The following LTBP3 variants were observed in gnomAD, a reference collection of about 807,000 sequenced individuals.
The protein encoded by LTBP3 is latent transforming growth factor beta binding protein 3.
Under a neutral mutation model 159.7 loss-of-function variants are expected in LTBP3, and 97 were observed. That is an observed-to-expected ratio of 0.61 (90% CI 0.52 to 0.72). The LOEUF (loss-of-function observed/expected upper bound fraction) is 0.72, where lower values mean the gene tolerates loss of function less well. LTBP3 is among the 30% of genes least tolerant of loss of function. The pLI, the probability that LTBP3 is intolerant of heterozygous loss-of-function variation, is 0.00. For synonymous variants in LTBP3, 824 were observed against 777.1 expected (o/e 1.06, Z -1.00); for missense variants, 1,584 against 1,864.3 (o/e 0.85, Z 2.77).
At chr11:65,540,223 C>A in intron 23 of LTBP3, 22 bp downstream of exon 23, 1 of 1,548,110 alleles carries the variant, frequency 6.5e-7, no homozygotes. Flanking sequence ...CCGCGTACCC[C>A]ACTCCCCGGC....
chr11:65,539,336 CG>C lies in LTBP3; in HGVS notation c.3751del (p.Arg1251AlafsTer11). Reference protein sequence around the residue: ...GGFQLDASRARCVDIDECREL... With the variant: ...GGFQLDASRAXCVDIDECREL... ...CCCGAAGCCCGGCTCACCCACGCAG[CG>C]GGCGCGGGAGGCGTCGAGCTGGAAG... On this transcript the variant is annotated frameshift_variant, in exon 27 of 28. Coordinates refer to ENST00000301873, the MANE Select transcript of LTBP3 (RefSeq NM_001130144.3). LOFTEE classifies it high-confidence loss of function. The C allele has an allele frequency of 6.6e-7, 1 of 1,517,798 alleles. No individual in the cohort carries two copies. Among genetic ancestry groups the C allele is most frequent in the Non-Finnish European group, 8.8e-7 (1 of 1,130,046 alleles). The allele number at this position is 1,517,798 out of a possible 1,614,324, so 94.0% of individuals were successfully genotyped here.
Position 65,546,281 on chromosome 11 carries a change from G to T in LTBP3, c.2353+161C>A. ...ACCCTTCCTACGTGGAAATTCTAGT[G>T]GTGCCTTCCTTGGCAAAGTTCGTTG... is the stretch of plus-strand genomic sequence containing the variant. On this transcript the variant is annotated intron_variant, in intron 16 of 27. Coordinates refer to ENST00000301873, the MANE Select transcript of LTBP3 (RefSeq NM_001130144.3). The surrounding 1 kb of genome is among the most constrained non-coding windows in gnomAD (Gnocchi z 4.0). 1 of 908,324 alleles carries T rather than the reference G, an allele frequency of 1.1e-6. No homozygotes were observed. The highest frequency in any genetic ancestry group is 1.6e-6 in the Non-Finnish European group (1 of 629,888). 56.3% of individuals were successfully genotyped at this position (908,324 alleles called of 1,614,324 possible).
At chr11:65,551,702 G>T in intron 8 of LTBP3, 138 bp from the exon 9 acceptor site, 1 of 1,151,228 alleles carries the variant, frequency 8.7e-7, no homozygotes, top group Non-Finnish European at 1.3e-6. Flanking sequence ...TCAGGGGTTA[G>T]ATTCTGGGGT....
Position 65,540,299 on chromosome 11 carries a change from G to A in LTBP3, c.3190C>T (p.Pro1064Ser). 6.4e-7 allele frequency: 1 copy of A among 1,563,456 alleles called. No homozygotes were observed. The highest frequency in any genetic ancestry group is 8.7e-7 in the Non-Finnish European group (1 of 1,154,068). Residue 1064 changes from proline (P) to serine (S), a missense_variant, in exon 23 of 28, where the codon CCC becomes TCC. Pro to Ser is a moderately conservative substitution (Grantham distance 74, BLOSUM62 -1). This residue lies in a region of LTBP3 where 514 missense variants were observed against 530.3 expected (regional missense o/e 0.97). Coordinates refer to ENST00000301873, the MANE Select transcript of LTBP3 (RefSeq NM_001130144.3). ...TRGGYRCACT[P>S]PAEYSPAQRQ... ...TGCGCGGGACTGTACTCGGCAGGGGGCGTGCAGGCACAGCGGTAGCCGCCG... is the reference window on the plus strand; with the variant it reads ...TGCGCGGGACTGTACTCGGCAGGGGACGTGCAGGCACAGCGGTAGCCGCCG...
At chr11:65,545,996 G>A (rs1856349735) in intron 16 of LTBP3, among the ~76,000 whole-genome samples, 1 of 152,062 alleles carries the variant, frequency 6.6e-6, no homozygotes, top group Non-Finnish European at 1.5e-5. Context: ...GATTCTTTAA[G>A]ATGACCCAGG....
In LTBP3 at chr11:65,546,176, T is replaced by G. The variant is rs1223093220; in HGVS notation, c.2353+266A>C. 22 of 519,756 alleles carry G rather than the reference T, an allele frequency of 4.2e-5. No homozygotes were observed. Among genetic ancestry groups the G allele is most frequent in the Non-Finnish European group, 7.5e-5 (22 of 293,236 alleles). 32.2% of individuals were successfully genotyped at this position (519,756 alleles called of 1,614,324 possible). A position where few individuals can be genotyped will look rare whatever the true frequency, so the allele number is the denominator to read the frequency against. On this transcript the variant is annotated intron_variant, in intron 16 of 27. Transcript: ENST00000301873. The surrounding 1 kb of genome is among the most constrained non-coding windows in gnomAD (Gnocchi z 4.0). ...GAGTGCAGGGGGGAGTACTATCGTC[T>G]GCCCTCATTCTTTGATATCTTTTTT...
Position 65,539,793 on chromosome 11 carries a change from G to A in LTBP3, c.3474C>T (p.Thr1158=). The A allele has an allele frequency of 1.3e-6, 2 of 1,544,078 alleles. No homozygotes were observed. The highest frequency in any genetic ancestry group is 2.4e-5 in the East Asian group (1 of 41,904). ...CCTGGCGGCAGCAGCAGTCGTCGAA[G>A]GTGAGGGCAGGCCCGGCCAGGGGGC... ...CAGPLAGPAL[T]FDDCCCRQGR... is the part of the protein sequence containing the mutation. The change falls in exon 25 of 28, where the codon ACC becomes ACT. Residue 1158 remains threonine (T), a synonymous_variant. Coordinates refer to ENST00000301873, the MANE Select transcript of LTBP3 (RefSeq NM_001130144.3).
chr11:65,552,465 GC>G lies in LTBP3; in HGVS notation c.1187-60del. On this transcript the variant is annotated intron_variant, in intron 6 of 27. Transcript: ENST00000301873. This position sits in a 1 kb window ranked among gnomAD's most constrained non-coding sequence, Gnocchi z 6.0. The stretch of plus-strand genomic sequence containing the variant: ...GCCTGCACATTGCCCACGTCCCTCT[GC>G]CCAGCTGCTGCAGACCTTGCCTCTC... 6.3e-7 allele frequency: 1 copy of G among 1,596,084 alleles called. No individual in the cohort carries two copies. Among genetic ancestry groups the G allele is most frequent in the Non-Finnish European group, 8.5e-7 (1 of 1,174,164 alleles).
Position 65,547,808 on chromosome 11 carries a change from G to A in LTBP3, c.1860C>T (p.Cys620=). The A allele has an allele frequency of 6.2e-7, 1 of 1,613,164 alleles. No individual in the cohort carries two copies. ...QHRYCVDVNE[C]EAEPCGPGRG... The stretch of plus-strand genomic sequence containing the variant: ...TCCCCGGGCCACAGGGCTCTGCCTC[G>A]CACTCGTTCACATCTGAGAAGAACG... The change falls in exon 13 of 28, where the codon TGC becomes TGT. Residue 620 remains cysteine, a synonymous_variant. Transcript: ENST00000301873. The surrounding 1 kb of genome is among the most constrained non-coding windows in gnomAD (Gnocchi z 4.6).
At chr11:65,555,415 C>A (rs983706864) in intron 1 of LTBP3, among the ~76,000 whole-genome samples, 2 of 146,592 alleles carry the variant, frequency 1.4e-5, no homozygotes, top group Admixed American at 6.7e-5. Context: ...GGCCCCAGGT[C>A]CCCCCCCTCT....
chr11:65,545,604 T>C, intron 16 of LTBP3: 1 of 229,412 alleles, frequency 4.4e-6, no homozygotes, highest in Non-Finnish European at 8.7e-6. Flanking sequence ...ATTTCTCCAA[T>C]ATCATCGTCT....
intron 11 of LTBP3, among the ~76,000 whole-genome samples, chr11:65,550,600 C>T (rs769140286): frequency 1.7e-4 from 26 of 151,340 alleles, no homozygotes; most frequent in Admixed American, 5.3e-4. Context: ...CCGACACGGG[C>T]GCATCACGAG....
At position 65,557,831 on chromosome 11, in the gene LTBP3, C is replaced by T. The variant is rs776558838; in HGVS notation, c.129G>A (p.Gly43=). The T allele has an allele frequency of 2.1e-6, 3 of 1,424,100 alleles. No homozygotes were observed. Among genetic ancestry groups the T allele is most frequent in the South Asian group, 1.4e-5 (1 of 69,228 alleles). The allele number at this position is 1,424,100 out of a possible 1,614,324, so 88.2% of individuals were successfully genotyped here. A position where few individuals can be genotyped will look rare whatever the true frequency, so the allele number is the denominator to read the frequency against. Residue 43 remains glycine (G), a synonymous_variant, in exon 1 of 28, where the codon GGG becomes GGA. Transcript: ENST00000301873. ...LLLGLGGRVE[G]GPAGERGAGG... ...CTGCGCCCCGCTCGCCGGCCGGCCC[C>T]CCCTCGACCCTGCCGCCCAGGCCCA...
chr11:65,547,943 T>C lies in LTBP3; in HGVS notation c.1823A>G (p.His608Arg). 6.2e-7 allele frequency: 1 copy of C among 1,613,908 alleles called. No homozygotes were observed. The highest frequency in any genetic ancestry group is 8.5e-7 in the Non-Finnish European group (1 of 1,180,000). Residue 608 changes from histidine to arginine, a missense_variant, in exon 12 of 28, where the codon CAT becomes CGT. By Grantham distance (29) the His-to-Arg change is conservative. This residue lies in a region of LTBP3 where 565 missense variants were observed against 677.7 expected (regional missense o/e 0.83). Coordinates refer to ENST00000301873, the MANE Select transcript of LTBP3 (RefSeq NM_001130144.3). This position sits in a 1 kb window ranked among gnomAD's most constrained non-coding sequence, Gnocchi z 4.6. ...SCHCNPGYRS[H>R]PQHRYCVDVN... ...ACCCACGCAGTAGCGGTGCTGGGGA[T>C]GTGACCGGTAGCCGGGGTTGCAGTG...
chr11:65,541,819 T>G (rs1057428043), intron 18 of LTBP3, 91 bp from the exon 19 acceptor site: 8 of 1,496,270 alleles, frequency 5.3e-6, no homozygotes, highest in Non-Finnish European at 7.3e-6. Context: ...GAACCTGAAT[T>G]TCCACTTTGG....
In LTBP3 at chr11:65,554,257, C is replaced by T; in HGVS notation, c.455G>A (p.Gly152Asp). The change falls in exon 2 of 28, where the codon GGC (glycine) becomes GAC (aspartate). Residue 152 changes from glycine to aspartate, a missense_variant. Physicochemically the swap from Gly to Asp is moderately conservative, Grantham distance 94. Transcript: ENST00000301873. This position sits in a 1 kb window ranked among gnomAD's most constrained non-coding sequence, Gnocchi z 5.3. ...CCTGCTCAGGCCGGGGCCTGAGCCG[C>T]CGGTACCCCCACCGGCTCCTCCTGC... ...VPAGGAGGGTGGSGPGLSRTG... is the reference protein window; with the variant it reads ...VPAGGAGGGTDGSGPGLSRTG... 2 of 1,609,848 alleles carry T rather than the reference C, an allele frequency of 1.2e-6. No homozygotes were observed. The highest frequency in any genetic ancestry group is 1.7e-6 in the Non-Finnish European group (2 of 1,179,028).
intron 24 of LTBP3, 37 bp from the exon 25 acceptor site, chr11:65,539,918 G>A (rs1024449167): frequency 1.3e-6 from 2 of 1,487,980 alleles, no homozygotes; most frequent in South Asian, 2.6e-5. Context: ...AGGGGCCCAA[G>A]GCAGGAACCG....
Position 65,538,982 on chromosome 11 carries a change from C to T in LTBP3, c.*98G>A. On this transcript the variant is annotated 3_prime_UTR_variant, in exon 28 of 28. Transcript: ENST00000301873. ...GGAGGGTCTGCGGGCCCTGAAGGTC[C>T]CTGGGTCCGAGCCACAAGTCGGGGC... The T allele has an allele frequency of 7.6e-7, 1 of 1,316,538 alleles. No homozygotes were observed. Among genetic ancestry groups the T allele is most frequent in the South Asian group, 1.9e-5 (1 of 51,714 alleles). 81.6% of individuals were successfully genotyped at this position (1,316,538 alleles called of 1,614,324 possible). A position where few individuals can be genotyped will look rare whatever the true frequency, so the allele number is the denominator to read the frequency against.
At chr11:65,543,942 T>C (rs1403737825) in intron 16 of LTBP3, 5 of 323,816 alleles carry the variant, frequency 1.5e-5, no homozygotes, top group Non-Finnish European at 2.4e-5. Flanking sequence ...CACACTTTCC[T>C]GAGGCCTCTC....
Sources: gnomAD v4.1 joint callset for allele counts (sites outside exome capture counted in the v4.1 genomes callset) on GRCh38, gnomAD v4.1.1 for gene constraint, gnomAD v4.1.1 regional missense constraint, Gnocchi (gnomAD v3.1) non-coding constraint, MANE v1.5 for transcripts, NCBI Gene and HGNC (gene_info 2026-07-23, HGNC 2026-07-21) for gene names.